The following CYLC1 variants were observed in gnomAD, a reference collection of about 807,000 sequenced individuals.
The protein encoded by CYLC1 is cylicin 1.
CYLC1 carries 2 observed loss-of-function variants against 31.6 expected under a neutral mutation model. The ratio of observed to expected loss-of-function variants is 0.06; its 90% CI spans 0.03 to 0.20. The LOEUF (loss-of-function observed/expected upper bound fraction) is 0.20. CYLC1 is among the 10% of genes least tolerant of loss of function. CYLC1 has a pLI of 1.00. For synonymous variants in CYLC1, 185 were observed against 153.0 expected (o/e 1.21, Z -1.54); for missense variants, 595 against 424.1 (o/e 1.40, Z -3.54).
At chrX:83,863,968 C>G (rs1343909946) in intron 1 of CYLC1, among the ~76,000 whole-genome samples, 2 of 111,825 alleles carry the variant, frequency 1.8e-5, no homozygotes, top group Admixed American at 1.9e-4. Context: ...GCCTCTCTCT[C>G]CTAGTCTGAC....
In CYLC1 at chrX:83,868,582, G is replaced by T. The variant is rs2031621786; in HGVS notation, c.18-1283G>T. Among the ~76,000 whole-genome samples the T allele has an allele frequency of 4.5e-5, 5 of 110,876 alleles. No individual in the cohort carries two copies. The Admixed American group carries it at 4.8e-4, about 11-fold the overall frequency. ...TGAGACTGATTCTGGTGCTTATTGTGAAATGGTGGTCAAGAATCACACTTT... is the reference window on the plus strand; with the variant it reads ...TGAGACTGATTCTGGTGCTTATTGTTAAATGGTGGTCAAGAATCACACTTT... On this transcript the variant is annotated intron_variant, in intron 1 of 4. Transcript: ENST00000329312.
rs1470187551 is a variant in CYLC1, at chrX:83,873,833, A to T, written c.1125A>T (p.Gly375=). ...KYPESTDTES[G]DAKDARNDSR... Reference sequence around the variant, plus strand: ...CAGAGTCTACTGATACTGAATCAGGAGATGCAAAGGATGCAAGAAATGATT... The same window carrying T: ...CAGAGTCTACTGATACTGAATCAGGTGATGCAAAGGATGCAAGAAATGATT... Residue 375 remains glycine, a synonymous_variant, in exon 4 of 5, where the codon GGA becomes GGT. Coordinates refer to ENST00000329312, the MANE Select transcript of CYLC1 (RefSeq NM_021118.3). 8.4e-7 allele frequency: 1 copy of T among 1,186,956 alleles called. No individual in the cohort carries two copies. The highest frequency in any genetic ancestry group is 1.8e-5 in the African/African-American group (1 of 57,060).
chrX:83,873,778 A>G lies in CYLC1; in HGVS notation c.1070A>G (p.Asp357Gly), dbSNP rs2031714042. ...AAGGATAAGAAAAAATTAAAGAAAG[A>G]TGACAAGAAAAAGGACACAAAGAAG... ...TKKDKKKLKKDDKKKDTKKYP... is the reference protein window; with the variant it reads ...TKKDKKKLKKGDKKKDTKKYP... Residue 357 changes from aspartate (D) to glycine (G), a missense_variant, in exon 4 of 5, where the codon GAT becomes GGT. Asp to Gly is a moderately conservative substitution (Grantham distance 94, BLOSUM62 -1). Coordinates refer to ENST00000329312, the MANE Select transcript of CYLC1 (RefSeq NM_021118.3). The G allele has an allele frequency of 8.4e-7, 1 of 1,189,918 alleles. No homozygotes were observed.
intron 4 of CYLC1, among the ~76,000 whole-genome samples, chrX:83,884,322 A>T (rs375126171): frequency 1.8e-5 from 2 of 109,596 alleles, no homozygotes; most frequent in South Asian, 3.8e-4. Context: ...TAGATTCTAG[A>T]TATTGTTCCT....
In CYLC1 at chrX:83,874,576, G is replaced by A. The variant is rs779454288; in HGVS notation, c.1868G>A (p.Arg623His). 12 of 1,205,733 alleles carry A rather than the reference G, an allele frequency of 1.0e-5. No homozygotes were observed. Among genetic ancestry groups the A allele is most frequent in the African/African-American group, 8.8e-5 (5 of 56,889 alleles). ...TCTCTACCATCACCAAAGGTCAGAC[G>A]TCTTTGTTGGTGCAAGATGCCTCCT... The part of the protein sequence containing the change: ...EPSLPSPKVR[R>H]LCWCKMPPPP... Residue 623 changes from arginine to histidine, a missense_variant, in exon 4 of 5, where the codon CGT becomes CAT. Transcript: ENST00000329312.
Position 83,873,493 on chromosome X carries a change from A to G in CYLC1, c.785A>G (p.Asp262Gly). The G allele has an allele frequency of 1.7e-6, 2 of 1,192,028 alleles. No individual in the cohort carries two copies. The highest frequency in any genetic ancestry group is 1.8e-5 in the South Asian group (1 of 55,242). Residue 262 changes from aspartate to glycine, a missense_variant, in exon 4 of 5, where the codon GAT (aspartate) becomes GGT (glycine). Physicochemically the swap from Asp to Gly is moderately conservative, Grantham distance 94. Coordinates refer to ENST00000329312, the MANE Select transcript of CYLC1 (RefSeq NM_021118.3). The stretch of plus-strand genomic sequence containing the variant: ...TCTGATGATGAATCCATAAATTTTG[A>G]TGCATGGTTAAGGAATTACTCACAG... ...GQSDDESINF[D>G]AWLRNYSQNN...
intron 4 of CYLC1, among the ~76,000 whole-genome samples, chrX:83,885,950 G>A (rs1171297882): frequency 3.6e-5 from 4 of 109,707 alleles, no homozygotes; most frequent in African/African-American, 1.3e-4. Context: ...AATAATGATG[G>A]AGCCTAGGAA....
intron 1 of CYLC1, among the ~76,000 whole-genome samples, chrX:83,866,571 T>C (rs191896378): frequency 3.6e-5 from 4 of 111,355 alleles, no homozygotes; most frequent in Non-Finnish European, 7.5e-5. Flanking sequence ...TCTGCTGGTA[T>C]AACATTCTCA....
intron 1 of CYLC1, among the ~76,000 whole-genome samples, chrX:83,868,122 A>C (rs2031615376): frequency 9.0e-6 from 1 of 111,477 alleles, no homozygotes; most frequent in Non-Finnish European, 1.9e-5. Context: ...AAAATATTTT[A>C]AGAGCAGGAT....
Position 83,886,635 on chromosome X carries a change from C to A in CYLC1, c.*51C>A, listed in dbSNP as rs765732655. 7.8e-6 allele frequency: 8 copies of A among 1,020,564 alleles called. No homozygotes were observed. In the South Asian group the frequency reaches 1.0e-4, roughly 13 times the overall value. The allele number at this position is 1,020,564 out of a possible 1,213,427, so 84.1% of individuals were successfully genotyped here. A position where few individuals can be genotyped will look rare whatever the true frequency, so the allele number is the denominator to read the frequency against. ...AGAATGGCCTTACCACAGTAAGCACCACCTACTCTCAAATGAGCATTTCTA... is the reference window on the plus strand; with the variant it reads ...AGAATGGCCTTACCACAGTAAGCACAACCTACTCTCAAATGAGCATTTCTA... On this transcript the variant is annotated 3_prime_UTR_variant, in exon 5 of 5. Transcript: ENST00000329312.
At chrX:83,880,038 C>A (rs1458308092) in intron 4 of CYLC1, among the ~76,000 whole-genome samples, 1 of 111,014 alleles carries the variant, frequency 9.0e-6, no homozygotes, top group East Asian at 2.8e-4. Context: ...AGAATTATTT[C>A]TTTGTATTCT....
chrX:83,871,662 T>A, intron 3 of CYLC1, 92 bp downstream of exon 3: 2 of 836,551 alleles, frequency 2.4e-6, no homozygotes, highest in Non-Finnish European at 3.3e-6. Flanking sequence ...TGAATTTTAC[T>A]ACCTGTTGGA....
intron 4 of CYLC1, among the ~76,000 whole-genome samples, chrX:83,880,832 C>A (rs1440437619): frequency 9.0e-6 from 1 of 111,153 alleles, no homozygotes; most frequent in Non-Finnish European, 1.9e-5. Context: ...GTAAAAGAAA[C>A]CAACGTATTA....
intron 4 of CYLC1, among the ~76,000 whole-genome samples, chrX:83,882,654 A>C (rs1470835541): frequency 1.8e-5 from 2 of 110,601 alleles, no homozygotes; most frequent in Non-Finnish European, 3.8e-5. Context: ...CTCTTCCTAC[A>C]TCCAACTCAA....
At chrX:83,879,022 T>G (rs1432586755) in intron 4 of CYLC1, among the ~76,000 whole-genome samples, 1 of 109,883 alleles carries the variant, frequency 9.1e-6, no homozygotes, top group Non-Finnish European at 1.9e-5. Flanking sequence ...ATTATTTACA[T>G]TTGATATTAT....
chrX:83,882,311 T>A (rs1380634592), intron 4 of CYLC1, among the ~76,000 whole-genome samples: 5 of 111,271 alleles, frequency 4.5e-5, no homozygotes, highest in African/African-American at 1.6e-4. Context: ...TTGTTTTTAA[T>A]ATATTTGCCA....
chrX:83,873,000 A>T lies in CYLC1; in HGVS notation c.292A>T (p.Thr98Ser). Residue 98 changes from threonine to serine, a missense_variant, in exon 4 of 5, where the codon ACT becomes TCT. By Grantham distance (58) the Thr-to-Ser change is moderately conservative. Transcript: ENST00000329312. ...PPIYTAAREQTPFRHLYTSKT... is the reference protein window; with the variant it reads ...PPIYTAAREQSPFRHLYTSKT... ...CATTTACACAGCTGCCAGGGAACAG[A>T]CTCCATTCAGACATCTTTATACTTC... The T allele has an allele frequency of 8.3e-7, 1 of 1,205,978 alleles. No homozygotes were observed. The highest frequency in any genetic ancestry group is 1.7e-5 in the African/African-American group (1 of 57,228).
intron 4 of CYLC1, among the ~76,000 whole-genome samples, chrX:83,882,157 C>T (rs769957829): frequency 4.5e-5 from 5 of 111,103 alleles, no homozygotes; most frequent in African/African-American, 1.6e-4. Flanking sequence ...ATTTCCTCTG[C>T]TGGTTATTTC....
chrX:83,881,022 C>A (rs1172753042), intron 4 of CYLC1, among the ~76,000 whole-genome samples: 1 of 111,517 alleles, frequency 9.0e-6, no homozygotes, highest in Non-Finnish European at 1.9e-5. Flanking sequence ...GCTTATCTTT[C>A]AATTTCTATA....
Sources: gnomAD v4.1 joint callset for allele counts (sites outside exome capture counted in the v4.1 genomes callset) on GRCh38, gnomAD v4.1.1 for gene constraint, MANE v1.5 for transcripts, NCBI Gene and HGNC (gene_info 2026-07-23, HGNC 2026-07-21) for gene names.